Variants in GALP observed in about 807,000 individuals in gnomAD.
GALP encodes galanin-like peptide.
GALP carries 12 observed loss-of-function variants against 15.2 expected under a neutral mutation model. The observed-to-expected ratio is 0.79, with a 90% CI of 0.51 to 1.28. The LOEUF is 1.28. GALP is among the 50% of genes most tolerant of loss of function. GALP has a pLI of 0.00. For missense variants in GALP, 161 were observed against 145.6 expected, an observed-to-expected ratio of 1.11 and a Z score of -0.55; for synonymous variants, 58 against 55.1, an observed-to-expected ratio of 1.05 and a Z score of -0.23.
chr19:56,182,079 T>G (rs949887827), intron 3 of GALP, 93 bp from the exon 4 acceptor site: 64 of 887,110 alleles, frequency 7.2e-5, no homozygotes, highest in Non-Finnish European at 1.2e-4. Context: ...AGGCGCTGCG[T>G]CCGGTGAGCC....
chr19:56,183,885 A>C (rs1054918428), intron 5 of GALP, among the ~76,000 whole-genome samples: 2 of 151,986 alleles, frequency 1.3e-5, no homozygotes, highest in Admixed American at 1.3e-4. Context: ...GGCGTGAGCC[A>C]CTGCGCCTGG....
chr19:56,180,911 CTTTCTTTTTTTTTTT>C (rs757719757), intron 3 of GALP, among the ~76,000 whole-genome samples: 6 of 90,668 alleles, frequency 6.6e-5, no homozygotes, highest in Admixed American at 1.5e-4. Flanking sequence ...TTCTTTCTTT[CTTTCTTTTTTTTTTT>C]TTTTTTTTTT....
Position 56,185,293 on chromosome 19 carries a change from A to T in GALP, c.*23A>T. The T allele has an allele frequency of 6.6e-7, 1 of 1,504,454 alleles. No homozygotes were observed. The highest frequency in any genetic ancestry group is 1.4e-5 in the African/African-American group (1 of 72,478). The allele number at this position is 1,504,454 out of a possible 1,614,324, so 93.2% of individuals were successfully genotyped here. A position where few individuals can be genotyped will look rare whatever the true frequency, so the allele number is the denominator to read the frequency against. ...TAGATGTCTTCAAATCCCTGTTCCT[A>T]TCCTTCTTCTCCAGCTCCTCCTGCT... is the stretch of plus-strand genomic sequence containing the variant. On this transcript the variant is annotated 3_prime_UTR_variant, in exon 6 of 6. Transcript: ENST00000357330.
chr19:56,184,415 AC>A, intron 5 of GALP, among the ~76,000 whole-genome samples: 1 of 147,326 alleles, frequency 6.8e-6, no homozygotes. Context: ...AGCTTGTCCC[AC>A]CTTCCTTTAG....
chr19:56,180,220 C>T (rs1375044988), intron 2 of GALP, among the ~76,000 whole-genome samples: 1 of 152,206 alleles, frequency 6.6e-6, no homozygotes, highest in Admixed American at 6.5e-5. Flanking sequence ...CTTAACATAT[C>T]TTTAAAGTGT....
At chr19:56,180,558 G>C in intron 2 of GALP, 28 bp from the exon 3 acceptor site, 5 of 1,608,916 alleles carry the variant, frequency 3.1e-6, no homozygotes, top group Non-Finnish European at 3.4e-6. Flanking sequence ...CTGTCTGCTT[G>C]AGTCTTGATT....
chr19:56,184,587 C>A (rs970418809), intron 5 of GALP, among the ~76,000 whole-genome samples: 2 of 150,580 alleles, frequency 1.3e-5, no homozygotes, highest in African/African-American at 4.9e-5. Context: ...GGGTTCTCGC[C>A]ATTCTCCTGC....
In GALP at chr19:56,182,835, C is replaced by T. The variant is rs867582053; in HGVS notation, c.218-300C>T. Among the ~76,000 whole-genome samples the T allele has an allele frequency of 3.5e-4, 53 of 152,184 alleles. 1 individual carries two copies. The South Asian group carries it at 3.7e-3, about 11-fold the overall frequency. ...AGTCTCCCAAAGTGCTGGGATGAGC[C>T]GTCGCGCCCGGCCTTATTTATTTTT... On this transcript the variant is annotated intron_variant, in intron 4 of 5. Transcript: ENST00000357330.
At chr19:56,183,878 G>A (rs1042207392) in intron 5 of GALP, among the ~76,000 whole-genome samples, 7 of 150,832 alleles carry the variant, frequency 4.6e-5, no homozygotes, top group South Asian at 2.1e-4. Flanking sequence ...GATTACAGGC[G>A]TGAGCCACTG....
chr19:56,178,462 C>T (rs957889628), intron 2 of GALP, among the ~76,000 whole-genome samples: 8 of 119,430 alleles, frequency 6.7e-5, no homozygotes, highest in Non-Finnish European at 1.0e-4. Context: ...TAACCCATCT[C>T]AAACAAAAAC....
chr19:56,176,778 G>A (rs964503684), intron 1 of GALP, among the ~76,000 whole-genome samples: 1 of 151,038 alleles, frequency 6.6e-6, no homozygotes, highest in African/African-American at 2.4e-5. Flanking sequence ...TGGTGGCAGG[G>A]AAAAGGTGAG....
At chr19:56,180,278 C>G (rs1405360843) in intron 2 of GALP, among the ~76,000 whole-genome samples, 4 of 152,208 alleles carry the variant, frequency 2.6e-5, no homozygotes, top group Non-Finnish European at 5.9e-5. Context: ...CCATAGAGCT[C>G]TAGGACTTCT....
At chr19:56,180,196 G>A (rs902944039) in intron 2 of GALP, among the ~76,000 whole-genome samples, 2 of 152,290 alleles carry the variant, frequency 1.3e-5, no homozygotes, top group South Asian at 4.1e-4. Flanking sequence ...TACAGCATGA[G>A]CACCACCCCC....
At chr19:56,183,024 C>T (rs975342144) in intron 4 of GALP, 111 bp from the exon 5 acceptor site, 14 of 739,168 alleles carry the variant, frequency 1.9e-5, no homozygotes, top group Admixed American at 8.5e-5. Flanking sequence ...GCTCCACCCT[C>T]GGGAAGGACC....
rs1284986158 is a variant in GALP at position 56,182,225 on chromosome 19, G to C, written c.190G>C (p.Glu64Gln). The change falls in exon 4 of 6, where the codon GAG (glutamate) becomes CAG (glutamine). Residue 64 changes from glutamate (E) to glutamine (Q), a missense_variant. Transcript: ENST00000357330. ...AGACGGAAAGAGGGAGACAGCCCTT[G>C]AGATCCTAGACCTGTGGAAGGCCAT... Reference protein sequence around the residue: ...DQDGKRETALEILDLWKAIDG... With the variant: ...DQDGKRETALQILDLWKAIDG... The C allele has an allele frequency of 6.2e-7, 1 of 1,614,016 alleles. No homozygotes were observed. Among genetic ancestry groups the C allele is most frequent in the African/African-American group, 1.3e-5 (1 of 75,056 alleles).
In GALP at chr19:56,185,334, T is replaced by C; in HGVS notation, c.*64T>C. 2.1e-6 allele frequency: 2 copies of C among 960,952 alleles called. No homozygotes were observed. The highest frequency in any genetic ancestry group is 3.3e-6 in the Non-Finnish European group (2 of 610,044). The allele number at this position is 960,952 out of a possible 1,614,324, so 59.5% of individuals were successfully genotyped here. On this transcript the variant is annotated 3_prime_UTR_variant, in exon 6 of 6. Coordinates refer to ENST00000357330, the MANE Select transcript of GALP (RefSeq NM_033106.4). ...TCCTCCTGCTCCCTCTGAAACCTTT[T>C]CTAGGTACCCTATGCTGAGACTAAG...
intron 5 of GALP, 139 bp downstream of exon 5, chr19:56,183,351 C>T: frequency 1.5e-6 from 1 of 681,674 alleles, no homozygotes; most frequent in South Asian, 1.7e-5. Context: ...ACCACAGCCA[C>T]TACCCCGACC....
chr19:56,185,126 C>T lies in GALP; in HGVS notation c.296-89C>T, dbSNP rs1202449283. On this transcript the variant is annotated intron_variant, in intron 5 of 5. Transcript: ENST00000357330. ...GACCAGCCTGGCCAACATGGTGAAA[C>T]CCAATCTCTACTAAACATACAAAAA... 9 of 842,912 alleles carry T rather than the reference C, an allele frequency of 1.1e-5. No individual in the cohort carries two copies. The African/African-American group carries it at 1.4e-4, about 13-fold the overall frequency. 52.2% of individuals were successfully genotyped at this position (842,912 alleles called of 1,614,324 possible).
At chr19:56,178,520 AC>A (rs1320153853) in intron 2 of GALP, among the ~76,000 whole-genome samples, 4 of 129,668 alleles carry the variant, frequency 3.1e-5, no homozygotes, top group East Asian at 5.0e-4. Context: ...AACAACAACA[AC>A]AAAAAAAAAA....
Sources: gnomAD v4.1 joint callset for allele counts (sites outside exome capture counted in the v4.1 genomes callset) on GRCh38, gnomAD v4.1.1 for gene constraint, MANE v1.5 for transcripts, NCBI Gene and HGNC (gene_info 2026-07-23, HGNC 2026-07-21) for gene names.